TMEM117: variants seen among roughly 807,000 people sequenced by gnomAD.
TMEM117 encodes transmembrane protein 117.
TMEM117 carries 27 observed loss-of-function variants against 52.4 expected under a neutral mutation model. The ratio of observed to expected loss-of-function variants is 0.51; its 90% CI spans 0.38 to 0.71. The LOEUF (loss-of-function observed/expected upper bound fraction) is 0.71, where lower values mean the gene tolerates loss of function less well. TMEM117 is among the 30% of genes least tolerant of loss of function. The pLI is 0.00. For synonymous variants in TMEM117, 215 were observed against 206.3 expected (o/e 1.04, Z -0.36); for missense variants, 556 against 630.5 (o/e 0.88, Z 1.26).
chr12:44,121,953 A>G (rs1183080873), intron 3 of TMEM117, among the ~76,000 whole-genome samples: 1 of 151,458 alleles, frequency 6.6e-6, no homozygotes, highest in African/African-American at 2.4e-5. Context: ...AGCATTCAGT[A>G]TTTGGTTTTC....
chr12:44,174,156 A>T (rs1230759295), intron 4 of TMEM117, among the ~76,000 whole-genome samples: 1 of 152,206 alleles, frequency 6.6e-6, no homozygotes, highest in Non-Finnish European at 1.5e-5. Context: ...ATTATAGAAC[A>T]TACTTTGTGA....
At chr12:44,330,231 T>G (rs1951251031) in intron 6 of TMEM117, among the ~76,000 whole-genome samples, 1 of 152,130 alleles carries the variant, frequency 6.6e-6, no homozygotes, top group Non-Finnish European at 1.5e-5. Flanking sequence ...TTTGATTGCA[T>G]TTTTTAATGA....
At chr12:44,215,728 T>TAAA (rs112129736) in intron 5 of TMEM117, among the ~76,000 whole-genome samples, 2 of 149,336 alleles carry the variant, frequency 1.3e-5, no homozygotes, top group African/African-American at 5.1e-5. Context: ...TTAGCTTTTT[T>TAAA]TAAAAAAAAA....
At chr12:43,873,915 A>C (rs1289194410) in intron 2 of TMEM117, among the ~76,000 whole-genome samples, 1 of 151,972 alleles carries the variant, frequency 6.6e-6, no homozygotes, top group African/African-American at 2.4e-5. Flanking sequence ...TTATTCTTCC[A>C]ACTGCCTTTT....
intron 2 of TMEM117, among the ~76,000 whole-genome samples, chr12:43,883,918 C>CT (rs749229759): frequency 2.6e-5 from 4 of 152,024 alleles, no homozygotes; most frequent in Non-Finnish European, 5.9e-5. Context: ...CAGAGGATTG[C>CT]TTGAGCCCAA....
intron 3 of TMEM117, among the ~76,000 whole-genome samples, chr12:44,050,215 C>T (rs1399913563): frequency 6.6e-6 from 1 of 152,208 alleles, no homozygotes; most frequent in Non-Finnish European, 1.5e-5. Flanking sequence ...CTCATTCTGT[C>T]ACCCAGGCTG....
intron 5 of TMEM117, among the ~76,000 whole-genome samples, chr12:44,282,359 G>A (rs1231890741): frequency 6.6e-6 from 1 of 152,156 alleles, no homozygotes; most frequent in East Asian, 1.9e-4. Context: ...GAGGGCCCAG[G>A]AGAAGACAGG....
Position 44,086,983 on chromosome 12 carries a change from T to C in TMEM117, c.411-56542T>C, listed in dbSNP as rs191655654. Among the ~76,000 whole-genome samples the C allele has an allele frequency of 8.1e-4, 120 of 147,634 alleles. 1 individual carries two copies. The highest frequency in any genetic ancestry group is 2.3e-3 in the African/African-American group (93 of 40,784). ...ATTAATAATTATAAATTATATAATA[T>C]ATAATTAATAATTATAAATTATGTA... On this transcript the variant is annotated intron_variant, in intron 3 of 7. Coordinates refer to ENST00000266534, the MANE Select transcript of TMEM117 (RefSeq NM_032256.3).
intron 4 of TMEM117, among the ~76,000 whole-genome samples, chr12:44,196,382 G>A (rs1283981364): frequency 1.3e-5 from 2 of 151,934 alleles, no homozygotes; most frequent in Non-Finnish European, 2.9e-5. Context: ...GATTAAAAGA[G>A]TACAAATAAA....
At chr12:44,074,323 G>C (rs1947348208) in intron 3 of TMEM117, among the ~76,000 whole-genome samples, 1 of 151,986 alleles carries the variant, frequency 6.6e-6, no homozygotes, top group African/African-American at 2.4e-5. Flanking sequence ...TGGGTACATG[G>C]GAACATTTGG....
intron 2 of TMEM117, among the ~76,000 whole-genome samples, chr12:43,895,402 C>A (rs374241266): frequency 6.6e-6 from 1 of 152,038 alleles, no homozygotes; most frequent in East Asian, 1.9e-4. Context: ...CTATCACTGA[C>A]GCGCATTTAG....
intron 3 of TMEM117, among the ~76,000 whole-genome samples, chr12:44,080,939 A>G (rs1250698712): frequency 6.6e-6 from 1 of 152,172 alleles, no homozygotes; most frequent in East Asian, 1.9e-4. Context: ...AAGTTTGCCA[A>G]CTTCTGTTCT....
intron 3 of TMEM117, among the ~76,000 whole-genome samples, chr12:44,038,329 G>A (rs1029167786): frequency 5.3e-5 from 8 of 152,232 alleles, no homozygotes; most frequent in African/African-American, 1.9e-4. Flanking sequence ...GCATCTTCAA[G>A]CTTCTGGGTG....
At chr12:43,868,270 G>T (rs1943643689) in intron 2 of TMEM117, among the ~76,000 whole-genome samples, 1 of 151,416 alleles carries the variant, frequency 6.6e-6, no homozygotes, top group Admixed American at 6.6e-5. Context: ...GCTATGCATG[G>T]TGGCTCATGC....
chr12:43,919,217 A>G (rs1944653547), intron 2 of TMEM117, among the ~76,000 whole-genome samples: 1 of 152,228 alleles, frequency 6.6e-6, no homozygotes, highest in Non-Finnish European at 1.5e-5. Flanking sequence ...GACTCTAGGT[A>G]TAGCGTTGTA....
At chr12:44,352,921 A>G (rs1951585977) in intron 6 of TMEM117, among the ~76,000 whole-genome samples, 1 of 152,104 alleles carries the variant, frequency 6.6e-6, no homozygotes, top group Non-Finnish European at 1.5e-5. Flanking sequence ...AACAGTGTTA[A>G]AGTGTTCCTA....
intron 6 of TMEM117, among the ~76,000 whole-genome samples, chr12:44,322,548 C>T (rs1254352913): frequency 6.6e-6 from 1 of 151,988 alleles, no homozygotes; most frequent in Non-Finnish European, 1.5e-5. Context: ...CTTGAGGACA[C>T]CATGAATAGT....
chr12:44,062,440 C>T (rs1037440196), intron 3 of TMEM117, among the ~76,000 whole-genome samples: 73 of 152,130 alleles, frequency 4.8e-4, no homozygotes, highest in South Asian at 2.1e-4. Context: ...TATAGATGTG[C>T]ATACCGTCTA....
At chr12:44,201,658 T>C (rs949668992) in intron 4 of TMEM117, among the ~76,000 whole-genome samples, 1 of 152,174 alleles carries the variant, frequency 6.6e-6, no homozygotes, top group African/African-American at 2.4e-5. Context: ...TCAACAATGT[T>C]AAGGCAATAA....
Sources: gnomAD v4.1 joint callset for allele counts (sites outside exome capture counted in the v4.1 genomes callset) on GRCh38, gnomAD v4.1.1 for gene constraint, MANE v1.5 for transcripts, NCBI Gene and HGNC (gene_info 2026-07-23, HGNC 2026-07-21) for gene names.